OPRM1: variants seen among roughly 807,000 people sequenced by gnomAD.
OPRM1 encodes mu-type opioid receptor.
OPRM1 carries 27 observed loss-of-function variants against 31.8 expected under a neutral mutation model. The observed-to-expected ratio is 0.85, with a 90% CI of 0.63 to 1.17. OPRM1 has a LOEUF of 1.17. Ranked by LOEUF, OPRM1 falls within the 50% of genes most tolerant of loss-of-function variation. OPRM1 has a pLI of 0.00. For missense variants in OPRM1, 536 were observed against 511.1 expected (o/e 1.05, Z -0.47); for synonymous variants, 196 against 189.9 (o/e 1.03, Z -0.26).
intron 3 of OPRM1, among the ~76,000 whole-genome samples, chr6:154,197,246 A>T (rs1019641269): frequency 6.6e-6 from 1 of 152,206 alleles, no homozygotes; most frequent in African/African-American, 2.4e-5. Context: ...ATGAAAAGCT[A>T]CCTTTGTCTG....
At chr6:154,183,520 T>A (rs572152891) in intron 3 of OPRM1, among the ~76,000 whole-genome samples, 8 of 152,328 alleles carry the variant, frequency 5.3e-5, no homozygotes, top group Non-Finnish European at 1.0e-4. Context: ...ATTACCTGAA[T>A]GATAGTGCCA....
chr6:154,190,198 G>T (rs1443990282), intron 3 of OPRM1, among the ~76,000 whole-genome samples: 1 of 151,918 alleles, frequency 6.6e-6, no homozygotes, highest in Non-Finnish European at 1.5e-5. Context: ...TACATGTAGA[G>T]TAATAAAATG....
intron 1 of OPRM1, among the ~76,000 whole-genome samples, chr6:154,070,572 C>A (rs1415341169): frequency 6.6e-6 from 1 of 152,170 alleles, no homozygotes; most frequent in Non-Finnish European, 1.5e-5. Context: ...TGCTCAAAAA[C>A]AGTATCTATC....
intron 3 of OPRM1, among the ~76,000 whole-genome samples, chr6:154,105,605 A>G (rs1795457609): frequency 6.6e-6 from 1 of 152,236 alleles, no homozygotes; most frequent in Non-Finnish European, 1.5e-5. Context: ...TAGGACAGCC[A>G]CTATTAAAGC....
In OPRM1 at chr6:154,087,393, C is replaced by T. The variant is rs184780956; in HGVS notation, c.291-2433C>T. On this transcript the variant is annotated intron_variant, in intron 1 of 3. Coordinates refer to ENST00000330432, the MANE Select transcript of OPRM1 (RefSeq NM_000914.5). Reference sequence around the variant, plus strand: ...ATGAGTTAGACTCAACCTCGTGTGACGGAAAAACAGTAAACACAAGCTAAC... The same window carrying T: ...ATGAGTTAGACTCAACCTCGTGTGATGGAAAAACAGTAAACACAAGCTAAC... 1,123 of 985,378 alleles carry T rather than the reference C, an allele frequency of 1.1e-3. 2 individuals are homozygous for T. Among genetic ancestry groups the T allele is most frequent in the Middle Eastern group, 9.4e-3 (18 of 1,912 alleles). The allele number at this position is 985,378 out of a possible 1,614,324, so 61.0% of individuals were successfully genotyped here.
intron 1 of OPRM1, among the ~76,000 whole-genome samples, chr6:154,040,201 T>C (rs1303401892): frequency 3.3e-5 from 5 of 152,046 alleles, no homozygotes; most frequent in African/African-American, 4.8e-5. Flanking sequence ...GCAGGAGCTA[T>C]GGAAAGAGTA....
intron 3 of OPRM1, chr6:154,154,591 A>G (rs1281255369): frequency 6.6e-6 from 1 of 152,242 alleles, no homozygotes; most frequent in Non-Finnish European, 1.5e-5. Flanking sequence ...CTTGTTGTAG[A>G]CGATCAAAAC....
At position 154,040,491 on chromosome 6, in the gene OPRM1, C is replaced by T. The variant is rs116837582; in HGVS notation, c.290+657C>T. Among the ~76,000 whole-genome samples, 479 of 152,300 alleles carry T rather than the reference C, an allele frequency of 3.1e-3. 2 individuals are homozygous for T. Among genetic ancestry groups the T allele is most frequent in the African/African-American group, 0.011 (466 of 41,568 alleles). ...AGCATCTCTCCATGACAGTTTTCCT[C>T]TGTTATAACAAACATGACAAATGTG... On this transcript the variant is annotated intron_variant, in intron 1 of 3. Coordinates refer to ENST00000330432, the MANE Select transcript of OPRM1 (RefSeq NM_000914.5).
At chr6:154,140,412 C>G (rs12664566) in intron 3 of OPRM1, among the ~76,000 whole-genome samples, 1 of 151,614 alleles carries the variant, frequency 6.6e-6, no homozygotes, top group Non-Finnish European at 1.5e-5. Flanking sequence ...ATCACTGCAA[C>G]CTCCATCTCC....
chr6:154,136,421 C>G (rs968840786), downstream of OPRM1, among the ~76,000 whole-genome samples: 1 of 152,188 alleles, frequency 6.6e-6, no homozygotes, highest in African/African-American at 2.4e-5. Context: ...TAGGCTATCC[C>G]TGACTCTTCT....
At chr6:154,057,074 G>A (rs964355975) in intron 1 of OPRM1, among the ~76,000 whole-genome samples, 1 of 152,044 alleles carries the variant, frequency 6.6e-6, no homozygotes, top group Non-Finnish European at 1.5e-5. Flanking sequence ...CATATCTAAG[G>A]ACTAAAGATA....
At chr6:154,077,936 A>G (rs1327598843) in intron 1 of OPRM1, among the ~76,000 whole-genome samples, 1 of 152,012 alleles carries the variant, frequency 6.6e-6, no homozygotes, top group East Asian at 1.9e-4. Flanking sequence ...GGAATTTGCC[A>G]AGGTTATTAA....
At chr6:154,059,035 C>T (rs1340497461) in intron 1 of OPRM1, among the ~76,000 whole-genome samples, 2 of 152,192 alleles carry the variant, frequency 1.3e-5, no homozygotes, top group East Asian at 1.9e-4. Flanking sequence ...GTTTTCAAAC[C>T]AGTTATTGAG....
intron 3 of OPRM1, among the ~76,000 whole-genome samples, chr6:154,151,859 G>A (rs1010047177): frequency 3.3e-5 from 5 of 152,006 alleles, no homozygotes; most frequent in African/African-American, 4.8e-5. Context: ...ATCCAGGTTC[G>A]TTCGTTTGTT....
intron 1 of OPRM1, among the ~76,000 whole-genome samples, chr6:154,015,589 G>T (rs1777959637): frequency 6.6e-6 from 1 of 151,986 alleles, no homozygotes; most frequent in Non-Finnish European, 1.5e-5. Flanking sequence ...TATAATCTGA[G>T]AGTGGGAAAA....
upstream of OPRM1, among the ~76,000 whole-genome samples, chr6:154,036,688 T>C (rs912780865): frequency 6.6e-6 from 1 of 151,986 alleles, no homozygotes; most frequent in Non-Finnish European, 1.5e-5. Flanking sequence ...ATAAAGATGT[T>C]TTATTTTCAA....
chr6:154,164,888 G>A (rs1358624423), intron 3 of OPRM1, among the ~76,000 whole-genome samples: 2 of 152,134 alleles, frequency 1.3e-5, no homozygotes, highest in Non-Finnish European at 2.9e-5. Flanking sequence ...AACATAATAC[G>A]ATCAACTTTT....
At chr6:154,213,007 A>C (rs1405134144) in intron 3 of OPRM1, 1 of 627,982 alleles carries the variant, frequency 1.6e-6, no homozygotes, top group Non-Finnish European at 2.9e-6. Context: ...TACCTGGTGC[A>C]AAGGAATTAC....
intron 1 of OPRM1, among the ~76,000 whole-genome samples, chr6:154,061,791 A>T (rs1784477648): frequency 6.6e-6 from 1 of 151,838 alleles, no homozygotes; most frequent in Admixed American, 6.6e-5. Context: ...TATGTAATAA[A>T]CCTGCACATG....
Sources: gnomAD v4.1 joint callset for allele counts (sites outside exome capture counted in the v4.1 genomes callset) on GRCh38, gnomAD v4.1.1 for gene constraint, MANE v1.5 for transcripts, NCBI Gene and HGNC (gene_info 2026-07-23, HGNC 2026-07-21) for gene names.